The following LAS1L variants were observed in gnomAD, a reference collection of about 807,000 sequenced individuals.
LAS1L encodes the protein LAS1 like ribosome biogenesis factor, also known as ribosomal biogenesis protein LAS1L.
A neutral mutation model predicts 57.3 loss-of-function variants in LAS1L; 5 were observed. The ratio of observed to expected loss-of-function variants is 0.09; its 90% CI spans 0.05 to 0.18. The LOEUF (loss-of-function observed/expected upper bound fraction) is 0.18. Ranked by LOEUF, LAS1L falls within the 10% of genes least tolerant of loss-of-function variation. LAS1L has a pLI of 1.00. For missense variants in LAS1L, 360 were observed against 568.3 expected (o/e 0.63, Z 3.73); for synonymous variants, 245 against 231.7 (o/e 1.06, Z -0.52).
intron 4 of LAS1L, among the ~76,000 whole-genome samples, chrX:65,530,080 G>GA (rs1207897636): frequency 2.4e-4 from 27 of 110,880 alleles, no homozygotes; most frequent in East Asian, 2.3e-3. Context: ...ACTTTTTCTA[G>GA]AAAAAAAAAC....
intron 2 of LAS1L, 126 bp from the exon 3 acceptor site, chrX:65,532,756 G>A (rs2069563178): frequency 6.0e-6 from 3 of 500,132 alleles, no homozygotes; most frequent in African/African-American, 2.3e-5. Context: ...CCTACAGCTG[G>A]TGTGTCAGCC....
chrX:65,529,726 T>G lies in LAS1L; in HGVS notation c.667A>C (p.Thr223Pro), dbSNP rs747523360. 6.6e-6 allele frequency: 8 copies of G among 1,212,070 alleles called. No homozygotes were observed. The highest frequency in any genetic ancestry group is 2.2e-5 in the Admixed American group (1 of 46,048). ...TCCTGAGGCTCTGGTTTCTGTTCTG[T>G]GATGTCATCAACAACAATGTTCTTA... ...EDKNIVVDDI[T>P]EQKPEPQDDG... Residue 223 changes from threonine to proline, a missense_variant, in exon 5 of 14, where the codon ACA (threonine) becomes CCA (proline). Thr to Pro is a conservative substitution (Grantham distance 38). Transcript: ENST00000374811.
Sources: gnomAD v4.1 joint callset for allele counts (sites outside exome capture counted in the v4.1 genomes callset) on GRCh38, gnomAD v4.1.1 for gene constraint, MANE v1.5 for transcripts, NCBI Gene and HGNC (gene_info 2026-07-23, HGNC 2026-07-21) for gene names.